Variants in KDM4B observed in about 807,000 individuals in gnomAD.
KDM4B encodes the protein lysine-specific demethylase 4B.
In KDM4B, 32 loss-of-function variants were observed where a neutral mutation model predicts 125.2. That is an observed-to-expected ratio of 0.26 (90% CI 0.19 to 0.34). KDM4B has a LOEUF of 0.34. KDM4B is among the 10% of genes least tolerant of loss of function. The probability of loss-of-function intolerance (pLI) is 1.00; values close to 1 mark genes in which losing one functional copy is unlikely to be tolerated. For missense variants in KDM4B, 1,190 were observed against 1,577.7 expected, an observed-to-expected ratio of 0.75 and a Z score of 4.16; for synonymous variants, 721 against 677.9, an observed-to-expected ratio of 1.06 and a Z score of -0.99.
chr19:5,026,644 G>A (rs973499504), intron 2 of KDM4B, among the ~76,000 whole-genome samples: 4 of 152,190 alleles, frequency 2.6e-5, no homozygotes, highest in Non-Finnish European at 4.4e-5. Flanking sequence ...CTGGGTTCCC[G>A]AGGCTGGCAA....
rs1475851318 is a variant in KDM4B, at chr19:5,114,374, CG to C, written c.1115+3557del. 2.2e-5 allele frequency: 13 copies of C among 587,524 alleles called. No individual in the cohort carries two copies. The African/African-American group carries it at 2.3e-4, about 10-fold the overall frequency. 36.4% of individuals were successfully genotyped at this position (587,524 alleles called of 1,614,324 possible). A position where few individuals can be genotyped will look rare whatever the true frequency, so the allele number is the denominator to read the frequency against. ...CCCCTCCTGCTCTGCCTTGGCCTGT[CG>C]CCCCTGCGCCAGTGCAGGACACCGC... On this transcript the variant is annotated intron_variant, in intron 10 of 22. Transcript: ENST00000159111. This position sits in a 1 kb window ranked among gnomAD's most constrained non-coding sequence, Gnocchi z 5.8.
At chr19:5,135,619 G>C in intron 15 of KDM4B, 58 bp downstream of exon 15, 4 of 1,419,846 alleles carry the variant, frequency 2.8e-6, no homozygotes, top group Non-Finnish European at 3.8e-6. Context: ...GTTGGTGGGG[G>C]TGCCGGTGGG....
At chr19:5,088,218 C>T (rs2038569106) in intron 9 of KDM4B, among the ~76,000 whole-genome samples, 1 of 152,210 alleles carries the variant, frequency 6.6e-6, no homozygotes, top group African/African-American at 2.4e-5. Flanking sequence ...CCGTCCACAC[C>T]TGCAGGGGCA....
At chr19:5,005,157 G>A (rs750096788) in intron 1 of KDM4B, among the ~76,000 whole-genome samples, 4 of 152,256 alleles carry the variant, frequency 2.6e-5, no homozygotes, top group Non-Finnish European at 5.9e-5. Flanking sequence ...GCTGTGTGTG[G>A]AGTTGATGGT....
intron 11 of KDM4B, 108 bp downstream of exon 11, chr19:5,119,960 T>A (rs562408289): frequency 1.3e-4 from 172 of 1,331,098 alleles, no homozygotes; most frequent in Non-Finnish European, 1.7e-4. Context: ...TTTGTAAGAA[T>A]CTGATTCAGT....
intron 6 of KDM4B, among the ~76,000 whole-genome samples, chr19:5,048,158 C>A (rs1471168672): frequency 6.6e-6 from 1 of 152,212 alleles, no homozygotes; most frequent in Non-Finnish European, 1.5e-5. Flanking sequence ...GCGCTGCAGG[C>A]CTGTGTGCAG....
intron 18 of KDM4B, chr19:5,138,404 C>G: frequency 3.2e-6 from 1 of 312,792 alleles, no homozygotes; most frequent in East Asian, 7.6e-5. Flanking sequence ...ACCGCACGTG[C>G]CCCGACACAA....
rs369678028 is a variant in KDM4B, at chr19:5,108,120, G to T, written c.919-2502G>T. Reference sequence around the variant, plus strand: ...GCTCCAGGCCGTGGCAGTGCACTCCGTGGAGCGTGTCTGCCTGTCCCCCCT... The same window carrying T: ...GCTCCAGGCCGTGGCAGTGCACTCCTTGGAGCGTGTCTGCCTGTCCCCCCT... On this transcript the variant is annotated intron_variant, in intron 9 of 22. Coordinates refer to ENST00000159111, the MANE Select transcript of KDM4B (RefSeq NM_015015.3). Among the ~76,000 whole-genome samples the T allele has an allele frequency of 5.9e-5, 9 of 152,370 alleles. 1 individual carries two copies. The highest frequency in any genetic ancestry group is 1.9e-4 in the African/African-American group (8 of 41,594).
intron 6 of KDM4B, among the ~76,000 whole-genome samples, chr19:5,049,949 G>C (rs2037166468): frequency 6.6e-6 from 1 of 151,720 alleles, no homozygotes; most frequent in Non-Finnish European, 1.5e-5. Context: ...TCTGGCCTCT[G>C]GTCCCTGGGC....
intron 1 of KDM4B, among the ~76,000 whole-genome samples, chr19:5,012,954 T>C (rs1259533046): frequency 6.6e-6 from 1 of 152,192 alleles, no homozygotes; most frequent in East Asian, 1.9e-4. Context: ...GGAGGGGCAG[T>C]GGAGGCAGGC....
At chr19:5,106,600 G>T (rs949130809) in intron 9 of KDM4B, among the ~76,000 whole-genome samples, 1 of 152,216 alleles carries the variant, frequency 6.6e-6, no homozygotes, top group East Asian at 1.9e-4. Context: ...TTTGGGCAGC[G>T]CGTGTCTCCT....
chr19:5,138,158 T>G (rs2039682480), intron 18 of KDM4B, 88 bp downstream of exon 18: 1 of 1,006,700 alleles, frequency 9.9e-7, no homozygotes, highest in Non-Finnish European at 1.5e-6. Context: ...TCTGAAGCGG[T>G]CTTTCCTCCA....
At chr19:5,048,320 G>A (rs919257365) in intron 6 of KDM4B, among the ~76,000 whole-genome samples, 2 of 152,116 alleles carry the variant, frequency 1.3e-5, no homozygotes, top group African/African-American at 2.4e-5. Flanking sequence ...GCGCGCGCAT[G>A]TGAGTGCGCA....
intron 6 of KDM4B, among the ~76,000 whole-genome samples, chr19:5,060,845 A>G (rs1333510084): frequency 1.3e-5 from 2 of 152,238 alleles, no homozygotes; most frequent in East Asian, 3.8e-4. Flanking sequence ...AGGCTGAGGG[A>G]AAAACATGGC....
At chr19:5,143,872 C>G in intron 18 of KDM4B, 95 bp from the exon 19 acceptor site, 1 of 1,013,050 alleles carries the variant, frequency 9.9e-7, no homozygotes. Flanking sequence ...CGCGATGCCT[C>G]CCTTGAAGGC....
intron 6 of KDM4B, among the ~76,000 whole-genome samples, chr19:5,070,230 G>A (rs1385823141): frequency 6.6e-6 from 1 of 152,194 alleles, no homozygotes; most frequent in African/African-American, 2.4e-5. Context: ...GGCCTTGGGA[G>A]TGGGCTGGGT....
At chr19:5,006,171 C>T (rs1441798901) in intron 1 of KDM4B, among the ~76,000 whole-genome samples, 3 of 152,110 alleles carry the variant, frequency 2.0e-5, no homozygotes, top group Non-Finnish European at 4.4e-5. Flanking sequence ...GGCCTGCCCT[C>T]TTCATGCCTG....
At chr19:4,998,415 C>T (rs2035268779) in intron 1 of KDM4B, among the ~76,000 whole-genome samples, 1 of 152,134 alleles carries the variant, frequency 6.6e-6, no homozygotes, top group Non-Finnish European at 1.5e-5. Context: ...GAAGAATTCC[C>T]AGACACCTTT....
chr19:5,144,961 G>A (rs2039816057), intron 21 of KDM4B, 59 bp downstream of exon 21: 1 of 1,606,298 alleles, frequency 6.2e-7, no homozygotes, highest in African/African-American at 1.3e-5. Context: ...TGTAGGTGCG[G>A]GGACAGGAGG....
Sources: allele counts gnomAD v4.1 joint callset (sites outside exome capture counted in the v4.1 genomes callset), GRCh38; gene constraint gnomAD v4.1.1; non-coding constraint Gnocchi (gnomAD v3.1); transcripts MANE v1.5; gene names NCBI Gene and HGNC (gene_info 2026-07-23, HGNC 2026-07-21).